ZNF813: variants seen among roughly 807,000 people sequenced by gnomAD.
ZNF813 encodes zinc finger protein 813.
Under a neutral mutation model 7.2 loss-of-function variants are expected in ZNF813, and 3 were observed. That is an observed-to-expected ratio of 0.42 (90% CI 0.19 to 1.08). The LOEUF (loss-of-function observed/expected upper bound fraction) is 1.08, where lower values mean the gene tolerates loss of function less well. ZNF813 is among the 50% of genes least tolerant of loss of function. The pLI is 0.30. For synonymous variants in ZNF813, 227 were observed against 256.3 expected, an observed-to-expected ratio of 0.89 and a Z score of 1.09; for missense variants, 714 against 753.3, an observed-to-expected ratio of 0.95 and a Z score of 0.61.
chr19:53,488,575 A>AT (rs1240104100), intron 3 of ZNF813, among the ~76,000 whole-genome samples: 11 of 134,288 alleles, frequency 8.2e-5, no homozygotes, highest in Admixed American at 6.9e-4. Flanking sequence ...CACCCGGCTA[A>AT]TTTTTTGTAT....
At chr19:53,484,446 A>G (rs192885284) in intron 2 of ZNF813, among the ~76,000 whole-genome samples, 95 of 152,344 alleles carry the variant, frequency 6.2e-4, no homozygotes, top group African/African-American at 2.1e-3. Context: ...GATTCATTCA[A>G]CCATTCTTAG....
chr19:53,473,674 T>G (rs958292123), intron 1 of ZNF813, among the ~76,000 whole-genome samples: 1 of 152,244 alleles, frequency 6.6e-6, no homozygotes, highest in African/African-American at 2.4e-5. Flanking sequence ...AGCGGTGTAC[T>G]GGATCTGTCA....
chr19:53,488,215 G>C, intron 3 of ZNF813: 1 of 455,260 alleles, frequency 2.2e-6, no homozygotes, highest in South Asian at 1.6e-5. Flanking sequence ...TAGACACAGG[G>C]TTTCTCCTTT....
chr19:53,491,878 A>C lies in ZNF813; in HGVS notation c.1646A>C (p.Lys549Thr). ...AHHHRLHTGDKPYKCNECGKV... is the reference protein window; with the variant it reads ...AHHHRLHTGDTPYKCNECGKV... ...CATCATAGACTTCATACTGGAGATAAACCTTACAAGTGTAATGAATGTGGC... is the reference window on the plus strand; with the variant it reads ...CATCATAGACTTCATACTGGAGATACACCTTACAAGTGTAATGAATGTGGC... Residue 549 changes from lysine (K) to threonine (T), a missense_variant, in exon 4 of 4, where the codon AAA (lysine) becomes ACA (threonine). Around this residue, in one of 3 missense-constraint regions of ZNF813, gnomAD observed 122 missense variants for 146.8 expected, o/e 0.83. Coordinates refer to ENST00000396403, the MANE Select transcript of ZNF813 (RefSeq NM_001004301.4). 1 of 1,613,548 alleles carries C rather than the reference A, an allele frequency of 6.2e-7. No individual in the cohort carries two copies. The highest frequency in any genetic ancestry group is 8.5e-7 in the Non-Finnish European group (1 of 1,179,530).
chr19:53,471,841 G>C (rs144140211), intron 1 of ZNF813, among the ~76,000 whole-genome samples: 2 of 144,514 alleles, frequency 1.4e-5, no homozygotes, highest in African/African-American at 5.1e-5. Context: ...TAGGTGCATC[G>C]GTTCGGGGGA....
At position 53,492,030 on chromosome 19, in the gene ZNF813, C is replaced by T. The variant is rs1483100322; in HGVS notation, c.1798C>T (p.Leu600Phe). The T allele has an allele frequency of 6.2e-7, 1 of 1,613,416 alleles. No homozygotes were observed. The highest frequency in any genetic ancestry group is 1.7e-5 in the Admixed American group (1 of 59,950). ...QKANLARHHRLHTGEKPYKFN... is the reference protein window; with the variant it reads ...QKANLARHHRFHTGEKPYKFN... ...AGCAAACCTTGCACGTCATCATAGA[C>T]TTCATACTGGAGAGAAACCTTACAA... The change falls in exon 4 of 4, where the codon CTT (leucine) becomes TTT (phenylalanine). Residue 600 changes from leucine (L) to phenylalanine (F), a missense_variant. Transcript: ENST00000396403.
intron 1 of ZNF813, among the ~76,000 whole-genome samples, chr19:53,468,546 G>GTGTA (rs1439571982): frequency 1.3e-5 from 2 of 152,176 alleles, no homozygotes; most frequent in Non-Finnish European, 2.9e-5. Context: ...AGTGAGGGGA[G>GTGTA]TGTAGCAGGG....
At position 53,491,945 on chromosome 19, in the gene ZNF813, A is replaced by G; in HGVS notation, c.1713A>G (p.Arg571=). The G allele has an allele frequency of 1.2e-6, 2 of 1,611,638 alleles. No individual in the cohort carries two copies. The highest frequency in any genetic ancestry group is 1.7e-6 in the Non-Finnish European group (2 of 1,178,684). ...NQKAHLARHH[R]LHTGEKPYKC... is the part of the protein sequence containing the mutation. ...AAGCACACCTTGCACGTCACCATAG[A>G]CTTCATACTGGAGAGAAACCTTACA... The change falls in exon 4 of 4, where the codon AGA becomes AGG. Residue 571 remains arginine, a synonymous_variant. Transcript: ENST00000396403.
At chr19:53,487,816 T>G (rs976622816) in intron 3 of ZNF813, among the ~76,000 whole-genome samples, 1 of 126,642 alleles carries the variant, frequency 7.9e-6, no homozygotes, top group African/African-American at 2.9e-5. Flanking sequence ...AAAAAAAAAA[T>G]TCCATAACCT....
chr19:53,471,375 A>G (rs1326820021), intron 1 of ZNF813, among the ~76,000 whole-genome samples: 1 of 152,170 alleles, frequency 6.6e-6, no homozygotes, highest in Non-Finnish European at 1.5e-5. Context: ...ATCTGGAGTC[A>G]TCTTTGCCTT....
chr19:53,472,853 C>A (rs2086366107), intron 1 of ZNF813, among the ~76,000 whole-genome samples: 1 of 152,088 alleles, frequency 6.6e-6, no homozygotes, highest in Non-Finnish European at 1.5e-5. Context: ...CTCAGGTGAT[C>A]CACCTGCCTC....
chr19:53,486,827 G>A (rs183579992), intron 3 of ZNF813, 69 bp downstream of exon 3: 1 of 1,611,656 alleles, frequency 6.2e-7, no homozygotes, highest in African/African-American at 1.3e-5. Context: ...CTTGTTTTTA[G>A]ATACAGTGTC....
chr19:53,478,010 T>C (rs909518244), intron 1 of ZNF813, among the ~76,000 whole-genome samples: 14 of 152,144 alleles, frequency 9.2e-5, no homozygotes, highest in African/African-American at 3.4e-4. Context: ...AATCTTGGCA[T>C]AGAGGTCAGC....
At chr19:53,481,643 C>G (rs2086409092) in intron 1 of ZNF813, among the ~76,000 whole-genome samples, 1 of 151,998 alleles carries the variant, frequency 6.6e-6, no homozygotes, top group Non-Finnish European at 1.5e-5. Context: ...TCCATTGAAC[C>G]TGGCCACCCA....
At chr19:53,470,077 G>C (rs911340861) in intron 1 of ZNF813, among the ~76,000 whole-genome samples, 1 of 152,154 alleles carries the variant, frequency 6.6e-6, no homozygotes, top group Non-Finnish European at 1.5e-5. Flanking sequence ...TTGTGGCCTT[G>C]CATAGCTGGT....
At position 53,479,776 on chromosome 19, in the gene ZNF813, A is replaced by G. The variant is rs2447882; in HGVS notation, c.-73-3974A>G. ...TTGAAAGAGACATGGAATGCACAGA[A>G]GAATGAGCTGAGCTGGCAGAGTCCC... On this transcript the variant is annotated intron_variant, in intron 1 of 3. Transcript: ENST00000396403. 99 of 1,275,962 alleles carry G rather than the reference A, an allele frequency of 7.8e-5. No individual in the cohort carries two copies. In the African/African-American group the frequency reaches 1.3e-3, roughly 17 times the overall value. The allele number at this position is 1,275,962 out of a possible 1,614,324, so 79.0% of individuals were successfully genotyped here.
At position 53,480,897 on chromosome 19, in the gene ZNF813, G is replaced by T. The variant is rs189605736; in HGVS notation, c.-73-2853G>T. Among the ~76,000 whole-genome samples, 12 of 152,266 alleles carry T rather than the reference G, an allele frequency of 7.9e-5. No homozygotes were observed. In the East Asian group the frequency reaches 2.3e-3, roughly 29 times the overall value. ...TGGCGGAGTCAAAGGAATGAGAAAA[G>T]ACAAGTTAAGAATGCATAAGGTGGG... is the stretch of plus-strand genomic sequence containing the variant. On this transcript the variant is annotated intron_variant, in intron 1 of 3. Coordinates refer to ENST00000396403, the MANE Select transcript of ZNF813 (RefSeq NM_001004301.4).
At chr19:53,478,387 G>T (rs1452310916) in intron 1 of ZNF813, among the ~76,000 whole-genome samples, 4 of 151,992 alleles carry the variant, frequency 2.6e-5, no homozygotes, top group Admixed American at 1.3e-4. Context: ...TCCCAGGCTG[G>T]TCTCAAAATC....
intron 1 of ZNF813, among the ~76,000 whole-genome samples, chr19:53,481,103 G>A (rs116227180): frequency 0.012 from 1,840 of 152,142 alleles, 21 homozygotes; most frequent in Non-Finnish European, 0.014. Context: ...CATGTTCTGC[G>A]ACTTGAGATC....
Sources: allele counts gnomAD v4.1 joint callset (sites outside exome capture counted in the v4.1 genomes callset), GRCh38; gene constraint gnomAD v4.1.1; regional missense constraint gnomAD v4.1.1; transcripts MANE v1.5; gene names NCBI Gene and HGNC (gene_info 2026-07-23, HGNC 2026-07-21).